DUSP16: variants seen among roughly 807,000 people sequenced by gnomAD.
DUSP16 encodes dual specificity phosphatase 16.
In DUSP16, 21 loss-of-function variants were observed where a neutral mutation model predicts 58.3. The ratio of observed to expected loss-of-function variants is 0.36; its 90% CI spans 0.26 to 0.52. The LOEUF (loss-of-function observed/expected upper bound fraction) is 0.52, where lower values mean the gene tolerates loss of function less well. DUSP16 is among the 20% of genes least tolerant of loss of function. DUSP16 has a pLI of 0.94. For synonymous variants in DUSP16, 320 were observed against 323.8 expected, an observed-to-expected ratio of 0.99 and a Z score of 0.12; for missense variants, 726 against 819.0, an observed-to-expected ratio of 0.89 and a Z score of 1.39.
chr12:12,512,441 A>G (rs1451535346), intron 3 of DUSP16, among the ~76,000 whole-genome samples: 2 of 152,096 alleles, frequency 1.3e-5, no homozygotes, highest in Non-Finnish European at 2.9e-5. Flanking sequence ...CTTACTCATC[A>G]TATCACTGAA....
chr12:12,550,574 A>G (rs1166209237), intron 1 of DUSP16, among the ~76,000 whole-genome samples: 1 of 152,196 alleles, frequency 6.6e-6, no homozygotes. Context: ...TTAAAAACCC[A>G]GTTTCACCCA....
Position 12,500,401 on chromosome 12 carries a change from G to A in DUSP16, c.531+118C>T, listed in dbSNP as rs1026244768. 3 of 1,229,676 alleles carry A rather than the reference G, an allele frequency of 2.4e-6. No individual in the cohort carries two copies. In the African/African-American group the frequency reaches 4.6e-5, roughly 19 times the overall value. 76.2% of individuals were successfully genotyped at this position (1,229,676 alleles called of 1,614,324 possible). A position where few individuals can be genotyped will look rare whatever the true frequency, so the allele number is the denominator to read the frequency against. ...GCAACTGTTACCTGGGGAGCACACT[G>A]AGAATGGCATAGCAGCTCCTGAGAT... On this transcript the variant is annotated intron_variant, in intron 4 of 6. Transcript: ENST00000298573.
intron 3 of DUSP16, among the ~76,000 whole-genome samples, chr12:12,512,961 T>G (rs1184505144): frequency 1.3e-5 from 2 of 152,344 alleles, no homozygotes; most frequent in East Asian, 1.9e-4. Context: ...GATCAGGTTC[T>G]ATCATACCTC....
chr12:12,549,717 T>C (rs1489088521), intron 1 of DUSP16, among the ~76,000 whole-genome samples: 2 of 151,786 alleles, frequency 1.3e-5, no homozygotes, highest in Non-Finnish European at 2.9e-5. Flanking sequence ...GGATTTTGAA[T>C]ACAATAAGTA....
intron 5 of DUSP16, among the ~76,000 whole-genome samples, chr12:12,481,413 T>C (rs1373895210): frequency 6.6e-6 from 1 of 152,202 alleles, no homozygotes. Flanking sequence ...TGCTCAGTCA[T>C]GAAGCTGAAT....
intron 1 of DUSP16, among the ~76,000 whole-genome samples, chr12:12,527,261 A>G (rs1189455862): frequency 6.6e-6 from 1 of 152,208 alleles, no homozygotes; most frequent in Non-Finnish European, 1.5e-5. Context: ...CCCTAAACAC[A>G]GGCTTTCAAT....
intron 3 of DUSP16, among the ~76,000 whole-genome samples, chr12:12,518,264 C>T (rs1437275140): frequency 1.3e-5 from 2 of 151,198 alleles, no homozygotes; most frequent in African/African-American, 2.4e-5. Flanking sequence ...CCTGTAATCC[C>T]AGCACTTTGG....
At chr12:12,539,017 A>C (rs1346328524) in intron 1 of DUSP16, among the ~76,000 whole-genome samples, 2 of 152,170 alleles carry the variant, frequency 1.3e-5, no homozygotes, top group Non-Finnish European at 2.9e-5. Flanking sequence ...AAATATCCAG[A>C]TGTACCTCAG....
intron 1 of DUSP16, among the ~76,000 whole-genome samples, chr12:12,541,554 T>C (rs746696254): frequency 1.6e-4 from 24 of 152,224 alleles, no homozygotes; most frequent in Non-Finnish European, 3.1e-4. Context: ...GGTCAATCTA[T>C]GATAGTTGTA....
Position 12,519,853 on chromosome 12 carries a change from G to A in DUSP16, c.367+9C>T, listed in dbSNP as rs745827444. 6.2e-6 allele frequency: 10 copies of A among 1,613,632 alleles called. No homozygotes were observed. The highest frequency in any genetic ancestry group is 2.7e-5 in the African/African-American group (2 of 74,886). ...TTCTGAGTCCTTTTAATTCCATCAC[G>A]AGCCTTACCTGCAAGCAGGTGAACA... On this transcript the variant is annotated intron_variant, in intron 3 of 6. Coordinates refer to ENST00000298573, the MANE Select transcript of DUSP16 (RefSeq NM_030640.3).
At chr12:12,556,099 T>C (rs1382048143) in intron 1 of DUSP16, among the ~76,000 whole-genome samples, 1 of 152,190 alleles carries the variant, frequency 6.6e-6, no homozygotes, top group African/African-American at 2.4e-5. Flanking sequence ...AAGAGAGCAC[T>C]AAAGAATTTC....
chr12:12,502,550 A>ATTTTTTTTTT (rs58116968), intron 3 of DUSP16, among the ~76,000 whole-genome samples: 1 of 130,900 alleles, frequency 7.6e-6, no homozygotes, highest in Non-Finnish European at 1.6e-5. Flanking sequence ...TCATGGTTTC[A>ATTTTTTTTTT]TTTTTTTTTT....
intron 1 of DUSP16, among the ~76,000 whole-genome samples, chr12:12,544,076 A>C (rs1429265925): frequency 6.6e-6 from 1 of 152,100 alleles, no homozygotes; most frequent in East Asian, 1.9e-4. Flanking sequence ...AGGTTAACAC[A>C]CTCATGTAAT....
At chr12:12,492,619 G>T (rs547376851) in intron 4 of DUSP16, among the ~76,000 whole-genome samples, 1 of 151,730 alleles carries the variant, frequency 6.6e-6, no homozygotes, top group East Asian at 1.9e-4. Context: ...TCAGCTTCGC[G>T]TCTCCCTCCA....
chr12:12,520,735 A>G, intron 2 of DUSP16, 136 bp downstream of exon 2: 1 of 910,370 alleles, frequency 1.1e-6, no homozygotes, highest in Non-Finnish European at 1.6e-6. Flanking sequence ...TTGAGGTACC[A>G]CAAGGCACCA....
In DUSP16 at chr12:12,476,956, G is replaced by A. The variant is rs748082779; in HGVS notation, c.1875C>T (p.Arg625=). 9 of 1,614,060 alleles carry A rather than the reference G, an allele frequency of 5.6e-6. No homozygotes were observed. The highest frequency in any genetic ancestry group is 5.0e-5 in the Admixed American group (3 of 60,004). The change falls in exon 7 of 7, where the codon CGC becomes CGT. Residue 625 remains arginine (R), a synonymous_variant. Coordinates refer to ENST00000298573, the MANE Select transcript of DUSP16 (RefSeq NM_030640.3). ...EESPFEKQFK[R]RSCQMEFGES... ...CTCCAAATTCCATTTGGCAGCTTCT[G>A]CGTTTAAACTGCTTTTCAAAGGGGC...
intron 5 of DUSP16, among the ~76,000 whole-genome samples, chr12:12,482,115 C>A (rs1943580446): frequency 6.6e-6 from 1 of 152,010 alleles, no homozygotes; most frequent in Non-Finnish European, 1.5e-5. Context: ...TTAATGTTGA[C>A]AATACTCTCT....
intron 3 of DUSP16, among the ~76,000 whole-genome samples, chr12:12,519,516 G>A (rs866976067): frequency 2.0e-5 from 3 of 152,276 alleles, no homozygotes; most frequent in Middle Eastern, 3.4e-3. Flanking sequence ...ACTAGCAGGA[G>A]CTGAGATGTT....
rs144539954 is a variant in DUSP16 at position 12,529,456 on chromosome 12, A to G, written c.-365-7993T>C. Among the ~76,000 whole-genome samples, 7 of 152,322 alleles carry G rather than the reference A, an allele frequency of 4.6e-5. No individual in the cohort carries two copies. In the East Asian group the frequency reaches 1.3e-3, roughly 29 times the overall value. On this transcript the variant is annotated intron_variant, in intron 1 of 6. Coordinates refer to ENST00000298573, the MANE Select transcript of DUSP16 (RefSeq NM_030640.3). ...AAAACTGTATGTATTTATCATGTACAACACGATATTCTGAAGTAGATATAC... is the reference window on the plus strand; with the variant it reads ...AAAACTGTATGTATTTATCATGTACGACACGATATTCTGAAGTAGATATAC...
Sources: gnomAD v4.1 joint callset for allele counts (sites outside exome capture counted in the v4.1 genomes callset) on GRCh38, gnomAD v4.1.1 for gene constraint, MANE v1.5 for transcripts, NCBI Gene and HGNC (gene_info 2026-07-23, HGNC 2026-07-21) for gene names.